The following LDB2 variants were observed in gnomAD, a reference collection of about 807,000 sequenced individuals.
LDB2 encodes the protein LIM domain binding 2, also known as LIM domain-binding protein 2.
LDB2 carries 12 observed loss-of-function variants against 44.3 expected under a neutral mutation model. That is an observed-to-expected ratio of 0.27 (90% CI 0.17 to 0.44). LDB2 has a LOEUF of 0.44. Among genes scored for constraint, LDB2 ranks in the 20% least tolerant of loss-of-function variants. LDB2 has a pLI of 1.00. For synonymous variants in LDB2, 164 were observed against 174.8 expected, an observed-to-expected ratio of 0.94 and a Z score of 0.49; for missense variants, 344 against 473.5, an observed-to-expected ratio of 0.73 and a Z score of 2.54.
At chr4:16,565,827 G>GT (rs1387221466) in intron 5 of LDB2, among the ~76,000 whole-genome samples, 3 of 151,926 alleles carry the variant, frequency 2.0e-5, no homozygotes, top group African/African-American at 7.2e-5. Context: ...AATAACTTTC[G>GT]TAAGTACAAA....
chr4:16,798,109 G>A (rs1322857955), intron 1 of LDB2, among the ~76,000 whole-genome samples: 1 of 151,426 alleles, frequency 6.6e-6, no homozygotes, highest in Non-Finnish European at 1.5e-5. Flanking sequence ...TTCCTTAGCT[G>A]AAAAATGGGA....
At chr4:16,643,236 T>G (rs1226602821) in intron 2 of LDB2, among the ~76,000 whole-genome samples, 4 of 152,190 alleles carry the variant, frequency 2.6e-5, no homozygotes, top group African/African-American at 9.7e-5. Flanking sequence ...GCTCCATATG[T>G]GCTAACTGCA....
intron 2 of LDB2, among the ~76,000 whole-genome samples, chr4:16,742,256 G>C (rs978990015): frequency 2.6e-5 from 4 of 151,920 alleles, no homozygotes; most frequent in African/African-American, 9.7e-5. Context: ...GTTTTTATTA[G>C]AGACGGGGCT....
At chr4:16,894,348 C>T (rs1020673291) in intron 1 of LDB2, among the ~76,000 whole-genome samples, 7 of 152,102 alleles carry the variant, frequency 4.6e-5, no homozygotes, top group Admixed American at 2.0e-4. Flanking sequence ...ATGCTAACCT[C>T]AGAATTTTTC....
intron 5 of LDB2, among the ~76,000 whole-genome samples, chr4:16,512,478 A>G: frequency 6.6e-6 from 1 of 152,056 alleles, no homozygotes; most frequent in South Asian, 2.1e-4. Context: ...AACAAACAAA[A>G]AAAACCCCTC....
chr4:16,870,728 G>T (rs575981016), intron 1 of LDB2, among the ~76,000 whole-genome samples: 1 of 152,018 alleles, frequency 6.6e-6, no homozygotes, highest in Non-Finnish European at 1.5e-5. Flanking sequence ...CCACCTCCCA[G>T]TTCAAGCGAT....
intron 1 of LDB2, among the ~76,000 whole-genome samples, chr4:16,761,008 GTT>G (rs201649974): frequency 2.8e-5 from 4 of 145,134 alleles, no homozygotes; most frequent in African/African-American, 1.0e-4. Context: ...TGTGTGTGTG[GTT>G]TTTTTTTTTT....
intron 2 of LDB2, among the ~76,000 whole-genome samples, chr4:16,619,585 A>T (rs1477741839): frequency 2.6e-5 from 4 of 152,182 alleles, no homozygotes; most frequent in Non-Finnish European, 2.9e-5. Context: ...TTTGTTGAAG[A>T]TGAGGGATTT....
chr4:16,558,160 C>T (rs1310635504), intron 5 of LDB2, among the ~76,000 whole-genome samples: 1 of 152,030 alleles, frequency 6.6e-6, no homozygotes, highest in Non-Finnish European at 1.5e-5. Flanking sequence ...GCAGAGCGTC[C>T]CTCCAAAGGA....
rs970906240 is a variant in LDB2, at chr4:16,502,386, T to A, written c.*257A>T. ...CCAGAAGATGCGCTAGAGTTTTCTC[T>A]CATTTTAATTACAATCAGTGCCAGT... On this transcript the variant is annotated 3_prime_UTR_variant, in exon 8 of 8. Transcript: ENST00000304523. The A allele has an allele frequency of 2.1e-6, 1 of 476,142 alleles. No homozygotes were observed. The highest frequency in any genetic ancestry group is 3.5e-5 in the Admixed American group (1 of 28,554). The allele number at this position is 476,142 out of a possible 1,614,324, so 29.5% of individuals were successfully genotyped here. A position where few individuals can be genotyped will look rare whatever the true frequency, so the allele number is the denominator to read the frequency against.
chr4:16,814,529 T>C (rs1474646530), intron 1 of LDB2, among the ~76,000 whole-genome samples: 2 of 124,430 alleles, frequency 1.6e-5, no homozygotes, highest in Non-Finnish European at 3.8e-5. Context: ...GCCCATTATA[T>C]GAGCAACCCC....
At chr4:16,725,729 C>A (rs1200275251) in intron 2 of LDB2, among the ~76,000 whole-genome samples, 3 of 152,008 alleles carry the variant, frequency 2.0e-5, no homozygotes, top group Non-Finnish European at 4.4e-5. Context: ...CTTTTTCCCA[C>A]TATGAAGTTT....
intron 1 of LDB2, among the ~76,000 whole-genome samples, chr4:16,774,962 A>G (rs1192481040): frequency 6.6e-6 from 1 of 152,218 alleles, no homozygotes; most frequent in African/African-American, 2.4e-5. Context: ...GAAGTAATAA[A>G]CGAAAGAAAA....
At chr4:16,884,074 C>G (rs1211248563) in intron 1 of LDB2, among the ~76,000 whole-genome samples, 1 of 152,202 alleles carries the variant, frequency 6.6e-6, no homozygotes, top group Non-Finnish European at 1.5e-5. Context: ...CCAGTCCACC[C>G]TCCACAAAGG....
At chr4:16,801,585 T>C (rs1777837307) in intron 1 of LDB2, among the ~76,000 whole-genome samples, 1 of 152,160 alleles carries the variant, frequency 6.6e-6, no homozygotes, top group South Asian at 2.1e-4. Context: ...CAAGTACTGA[T>C]TCACTATCAT....
chr4:16,787,674 C>T (rs1329602763), intron 1 of LDB2, among the ~76,000 whole-genome samples: 1 of 152,120 alleles, frequency 6.6e-6, no homozygotes, highest in African/African-American at 2.4e-5. Context: ...GGTGTTACAA[C>T]AGCATATTAG....
chr4:16,581,044 A>G (rs1193938592), intron 5 of LDB2, among the ~76,000 whole-genome samples: 1 of 152,210 alleles, frequency 6.6e-6, no homozygotes, highest in Non-Finnish European at 1.5e-5. Flanking sequence ...CATTTTGATG[A>G]AATGAAAGCG....
chr4:16,586,429 G>C (rs76601446), intron 4 of LDB2, among the ~76,000 whole-genome samples: 2 of 151,386 alleles, frequency 1.3e-5, no homozygotes, highest in African/African-American at 4.9e-5. Context: ...GATAGCGGTG[G>C]TGTTTTTACA....
At chr4:16,733,353 G>GAA (rs75067360) in intron 2 of LDB2, among the ~76,000 whole-genome samples, 3 of 145,900 alleles carry the variant, frequency 2.1e-5, no homozygotes, top group African/African-American at 5.1e-5. Flanking sequence ...TAAGAATTTG[G>GAA]AAAAAAAAAA....
Sources: allele counts gnomAD v4.1 joint callset (sites outside exome capture counted in the v4.1 genomes callset), GRCh38; gene constraint gnomAD v4.1.1; transcripts MANE v1.5; gene names NCBI Gene and HGNC (gene_info 2026-07-23, HGNC 2026-07-21).